Variants in EHBP1 observed in about 807,000 individuals in gnomAD.
EHBP1 encodes the protein EH domain binding protein 1.
A neutral mutation model predicts 144.0 loss-of-function variants in EHBP1; 55 were observed. The ratio of observed to expected loss-of-function variants is 0.38; its 90% confidence interval spans 0.31 to 0.48. EHBP1 has a LOEUF of 0.48. EHBP1 is among the 20% of genes least tolerant of loss of function. The pLI is 0.98. For missense variants in EHBP1, 1,200 were observed against 1,364.2 expected (o/e 0.88, Z 1.90); for synonymous variants, 469 against 472.7 (o/e 0.99, Z 0.10).
At chr2:62,851,421 T>C (rs1413777076) in intron 7 of EHBP1, among the ~76,000 whole-genome samples, 1 of 152,168 alleles carries the variant, frequency 6.6e-6, no homozygotes, top group Admixed American at 6.5e-5. Context: ...AATGTCTACT[T>C]GTCTTGTGTT....
chr2:62,778,539 G>A (rs1187086132), intron 5 of EHBP1, among the ~76,000 whole-genome samples: 1 of 126,390 alleles, frequency 7.9e-6, no homozygotes, highest in Non-Finnish European at 1.7e-5. Flanking sequence ...GTGAGACCCT[G>A]TCAAAAAAAA....
At chr2:62,691,664 A>G (rs1358340235) in intron 1 of EHBP1, among the ~76,000 whole-genome samples, 2 of 152,204 alleles carry the variant, frequency 1.3e-5, no homozygotes, top group Non-Finnish European at 2.9e-5. Flanking sequence ...CCTTAATTTT[A>G]CTGATAAATG....
rs145903425 is a variant in EHBP1 at position 62,864,951 on chromosome 2, T to G, written c.978T>G (p.Thr326=). The G allele has an allele frequency of 3.1e-6, 5 of 1,612,852 alleles. No homozygotes were observed. Among genetic ancestry groups the G allele is most frequent in the Admixed American group, 3.3e-5 (2 of 59,764 alleles). The change falls in exon 9 of 23, where the codon ACT becomes ACG. Residue 326 remains threonine, a synonymous_variant. Transcript: ENST00000431489. ...SKYLYADSSK[T]EEEELDESNP... ...ACCTCTATGCTGATAGTTCTAAAACTGAAGAAGAAGAATTGGATGAGTAAG... is the reference window on the plus strand; with the variant it reads ...ACCTCTATGCTGATAGTTCTAAAACGGAAGAAGAAGAATTGGATGAGTAAG...
intron 8 of EHBP1, among the ~76,000 whole-genome samples, chr2:62,860,232 G>A (rs901060807): frequency 6.6e-6 from 1 of 152,164 alleles, no homozygotes; most frequent in African/African-American, 2.4e-5. Context: ...GCTCACGCCT[G>A]TAATCTCAGC....
intron 4 of EHBP1, among the ~76,000 whole-genome samples, chr2:62,766,958 T>TA (rs774238457): frequency 0.046 from 4,814 of 105,762 alleles, 265 homozygotes; most frequent in African/African-American, 0.13. Context: ...TGTGCTTCAT[T>TA]AAAAAAAAAA....
chr2:62,741,382 A>G (rs72888930), intron 2 of EHBP1, among the ~76,000 whole-genome samples: 2,472 of 152,260 alleles, frequency 0.016, 63 homozygotes, highest in African/African-American at 0.056. Context: ...TGTTCTGCTA[A>G]AAGTTATTAC....
intron 10 of EHBP1, among the ~76,000 whole-genome samples, chr2:62,936,065 A>C (rs2056366240): frequency 6.6e-6 from 1 of 152,138 alleles, no homozygotes; most frequent in Non-Finnish European, 1.5e-5. Context: ...TATATTCATG[A>C]GAATTTTCTT....
chr2:62,951,099 A>C (rs1406032189), intron 13 of EHBP1, among the ~76,000 whole-genome samples: 2 of 152,202 alleles, frequency 1.3e-5, no homozygotes, highest in Non-Finnish European at 2.9e-5. Flanking sequence ...TCAACAGAAG[A>C]TTTTTAGACA....
At chr2:62,842,792 G>T (rs966328417) in intron 7 of EHBP1, among the ~76,000 whole-genome samples, 1 of 152,158 alleles carries the variant, frequency 6.6e-6, no homozygotes, top group Non-Finnish European at 1.5e-5. Flanking sequence ...GTACTTTTAA[G>T]TAGGAATTTT....
intron 2 of EHBP1, among the ~76,000 whole-genome samples, chr2:62,726,383 C>T (rs1002296411): frequency 3.9e-5 from 6 of 152,170 alleles, no homozygotes; most frequent in Non-Finnish European, 8.8e-5. Flanking sequence ...TACTGGTGTG[C>T]GGTAGGTAGC....
intron 1 of EHBP1, among the ~76,000 whole-genome samples, chr2:62,681,428 G>T (rs2033527160): frequency 8.0e-6 from 1 of 124,486 alleles, no homozygotes; most frequent in Non-Finnish European, 1.7e-5. Flanking sequence ...ACAAAAAACT[G>T]AATACATGTA....
intron 10 of EHBP1, among the ~76,000 whole-genome samples, chr2:62,932,988 T>C (rs2056121556): frequency 6.6e-6 from 1 of 151,138 alleles, no homozygotes; most frequent in Non-Finnish European, 1.5e-5. Context: ...ATGGTAAATA[T>C]TATGTGTATT....
intron 1 of EHBP1, among the ~76,000 whole-genome samples, chr2:62,681,614 T>C (rs1271850905): frequency 6.6e-6 from 1 of 151,948 alleles, no homozygotes; most frequent in Non-Finnish European, 1.5e-5. Context: ...AACCCTGTTT[T>C]GTTCAGGAGG....
intron 1 of EHBP1, among the ~76,000 whole-genome samples, chr2:62,692,973 T>C (rs571407588): frequency 6.6e-6 from 1 of 152,182 alleles, no homozygotes; most frequent in South Asian, 2.1e-4. Context: ...TTTGACTATA[T>C]TTTTATACCC....
At chr2:63,033,180 C>T (rs1487461617) in intron 19 of EHBP1, among the ~76,000 whole-genome samples, 2 of 152,030 alleles carry the variant, frequency 1.3e-5, no homozygotes, top group Non-Finnish European at 2.9e-5. Context: ...CTCTTTCGTC[C>T]ATTAAATACC....
intron 1 of EHBP1, among the ~76,000 whole-genome samples, chr2:62,679,173 T>G (rs889239630): frequency 6.6e-6 from 1 of 152,180 alleles, no homozygotes; most frequent in Admixed American, 6.5e-5. Context: ...CCACAACAAT[T>G]TAAACTGGTT....
At chr2:63,025,035 A>G (rs2060915682) in intron 19 of EHBP1, among the ~76,000 whole-genome samples, 1 of 152,206 alleles carries the variant, frequency 6.6e-6, no homozygotes, top group Non-Finnish European at 1.5e-5. Flanking sequence ...AGAAAAAAGT[A>G]CTAAACATTC....
At chr2:62,861,203 C>T (rs372956930) in intron 8 of EHBP1, among the ~76,000 whole-genome samples, 79 of 144,368 alleles carry the variant, frequency 5.5e-4, no homozygotes, top group South Asian at 3.8e-3. Context: ...ATTCTCGGCT[C>T]ACTGCAACGT....
upstream of EHBP1, among the ~76,000 whole-genome samples, chr2:62,703,313 A>C (rs2034332660): frequency 6.6e-6 from 1 of 152,150 alleles, no homozygotes; most frequent in Non-Finnish European, 1.5e-5. Flanking sequence ...GCTGCACTCC[A>C]GCCTGAGTGA....
Sources: gnomAD v4.1 joint callset for allele counts (sites outside exome capture counted in the v4.1 genomes callset) on GRCh38, gnomAD v4.1.1 for gene constraint, MANE v1.5 for transcripts, NCBI Gene and HGNC (gene_info 2026-07-23, HGNC 2026-07-21) for gene names.